Variants in SMARCD3 observed in about 807,000 individuals in gnomAD.
SMARCD3 encodes the protein SWI/SNF-related matrix-associated actin-dependent regulator of chromatin subfamily D member 3.
Under a neutral mutation model 58.0 loss-of-function variants are expected in SMARCD3, and 14 were observed. The ratio of observed to expected loss-of-function variants is 0.24; its 90% CI spans 0.16 to 0.38. The LOEUF is 0.38. Among genes scored for constraint, SMARCD3 ranks in the 10% least tolerant of loss-of-function variants. SMARCD3 has a pLI of 1.00. For synonymous variants in SMARCD3, 253 were observed against 253.8 expected, an observed-to-expected ratio of 1.00 and a Z score of 0.03; for missense variants, 408 against 636.9, an observed-to-expected ratio of 0.64 and a Z score of 3.87.
chr7:151,248,574 C>T lies in SMARCD3; in HGVS notation c.-12G>A, dbSNP rs765072912. The T allele has an allele frequency of 6.2e-7, 1 of 1,613,784 alleles. No homozygotes were observed. The highest frequency in any genetic ancestry group is 1.1e-5 in the South Asian group (1 of 91,074). Reference sequence around the variant, plus strand: ...TCGTCCGCGGCCATCGGGGTGGGCTCAGCGGCTCCTCTCACTCTCTCTCTC... The same window carrying T: ...TCGTCCGCGGCCATCGGGGTGGGCTTAGCGGCTCCTCTCACTCTCTCTCTC... On this transcript the variant is annotated 5_prime_UTR_variant, in exon 1 of 13. Transcript: ENST00000262188. The surrounding 1 kb of genome is among the most constrained non-coding windows in gnomAD (Gnocchi z 6.1).
rs1458469756 is a variant in SMARCD3 at position 151,246,366 on chromosome 7, C to CA, written c.79-696dup. 6.6e-6 allele frequency among the ~76,000 whole-genome samples: 1 copy of CA among 152,198 alleles called. No homozygotes were observed. The highest frequency in any genetic ancestry group is 1.5e-5 in the Non-Finnish European group (1 of 68,042). ...TCGGCTGACTCCAAGTCCCCACATC[C>CA]AGGGTCTTCGCTGACCAAGCTGCCC... On this transcript the variant is annotated intron_variant, in intron 1 of 12. Coordinates refer to ENST00000262188, the MANE Select transcript of SMARCD3 (RefSeq NM_001003801.2). This position sits in a 1 kb window ranked among gnomAD's most constrained non-coding sequence, Gnocchi z 4.4.
chr7:151,240,192 C>T lies in SMARCD3; in HGVS notation c.1093G>A (p.Glu365Lys). ...CTCATCTGCCCCTTTAATGGCTCCT[C>T]CACCTCCACGTCAATGTCATAGCAC... ...TACYDIDVEVEEPLKGQMSSF... is the reference protein window; with the variant it reads ...TACYDIDVEVKEPLKGQMSSF... Residue 365 changes from glutamate (E) to lysine (K), a missense_variant, in exon 10 of 13, where the codon GAG becomes AAG. Glu to Lys is a moderately conservative substitution (Grantham distance 56). Transcript: ENST00000262188. 1 of 1,614,150 alleles carries T rather than the reference C, an allele frequency of 6.2e-7. No homozygotes were observed. The highest frequency in any genetic ancestry group is 8.5e-7 in the Non-Finnish European group (1 of 1,180,010).
chr7:151,241,301 A>G lies in SMARCD3; in HGVS notation c.939+191T>C. The stretch of plus-strand genomic sequence containing the variant: ...GGGGCTAACATGGATTGGCTGCAGC[A>G]CAGAGCTAATCCACAGTAGGGCCTG... On this transcript the variant is annotated intron_variant, in intron 8 of 12. Transcript: ENST00000262188. The surrounding 1 kb of genome is among the most constrained non-coding windows in gnomAD (Gnocchi z 5.3). The G allele has an allele frequency of 1.5e-6, 1 of 659,682 alleles. No homozygotes were observed. Among genetic ancestry groups the G allele is most frequent in the Non-Finnish European group, 2.8e-6 (1 of 362,952 alleles). The allele number at this position is 659,682 out of a possible 1,614,324, so 40.9% of individuals were successfully genotyped here.
Position 151,246,669 on chromosome 7 carries a change from C to T in SMARCD3, c.79-998G>A, listed in dbSNP as rs986623073. Reference sequence around the variant, plus strand: ...GGGGGCTGTGGAGACTGAGAGGAGGCGGCTCCTCCTCCCTTGCCACTACCC... The same window carrying T: ...GGGGGCTGTGGAGACTGAGAGGAGGTGGCTCCTCCTCCCTTGCCACTACCC... On this transcript the variant is annotated intron_variant, in intron 1 of 12. Transcript: ENST00000262188. This position sits in a 1 kb window ranked among gnomAD's most constrained non-coding sequence, Gnocchi z 4.4. Among the ~76,000 whole-genome samples, 1 of 152,140 alleles carries T rather than the reference C, an allele frequency of 6.6e-6. No homozygotes were observed. The highest frequency in any genetic ancestry group is 6.5e-5 in the Admixed American group (1 of 15,286).
At chr7:151,259,734 C>T (rs1584889337) in intron 2 of SMARCD3, among the ~76,000 whole-genome samples, 2 of 149,706 alleles carry the variant, frequency 1.3e-5, no homozygotes, top group East Asian at 3.9e-4. Flanking sequence ...CTCAGCCTCC[C>T]AAGTAGCTGG....
chr7:151,268,208 C>A (rs1795056874), intron 2 of SMARCD3, among the ~76,000 whole-genome samples: 1 of 152,148 alleles, frequency 6.6e-6, no homozygotes, highest in South Asian at 2.1e-4. Context: ...AATTAGGCAC[C>A]AACCTTAAAG....
At chr7:151,256,647 A>G (rs1449998457) in intron 2 of SMARCD3, among the ~76,000 whole-genome samples, 2 of 152,144 alleles carry the variant, frequency 1.3e-5, no homozygotes, top group East Asian at 1.9e-4. Flanking sequence ...CTCTTCTCAC[A>G]GCACAGTCAC....
At position 151,241,848 on chromosome 7, in the gene SMARCD3, G is replaced by A. The variant is rs376910283; in HGVS notation, c.777+29C>T. The stretch of plus-strand genomic sequence containing the variant: ...CCCTGCCCTGAGGGCCTTGTGTGGC[G>A]TGTACGGGGCAGCATGGCAGGTGCA... On this transcript the variant is annotated intron_variant, in intron 7 of 12. Transcript: ENST00000262188. This position sits in a 1 kb window ranked among gnomAD's most constrained non-coding sequence, Gnocchi z 5.3. The A allele has an allele frequency of 2.9e-5, 45 of 1,572,928 alleles. 2 individuals carry two copies. The highest frequency in any genetic ancestry group is 1.9e-4 in the African/African-American group (14 of 74,292).
chr7:151,245,650 C>T lies in SMARCD3; in HGVS notation c.100G>A (p.Ala34Thr), dbSNP rs1450529066. ...GGCGCCCCCTGGTGGGGCATCCGGG[C>T]TCCAGACGGCATCCCGGGGCGCTGG... ...HGVRPGMPSGARMPHQGAPMG... is the reference protein window; with the variant it reads ...HGVRPGMPSGTRMPHQGAPMG... The change falls in exon 2 of 13, where the codon GCC becomes ACC. Residue 34 changes from alanine to threonine, a missense_variant. Coordinates refer to ENST00000262188, the MANE Select transcript of SMARCD3 (RefSeq NM_001003801.2). This position sits in a 1 kb window ranked among gnomAD's most constrained non-coding sequence, Gnocchi z 6.2. 8.7e-7 allele frequency: 1 copy of T among 1,149,734 alleles called. No individual in the cohort carries two copies. The highest frequency in any genetic ancestry group is 1.1e-6 in the Non-Finnish European group (1 of 913,722). 71.2% of individuals were successfully genotyped at this position (1,149,734 alleles called of 1,614,324 possible). A position where few individuals can be genotyped will look rare whatever the true frequency, so the allele number is the denominator to read the frequency against.
chr7:151,245,354 C>A lies in SMARCD3; in HGVS notation c.290+106G>T. 2.3e-6 allele frequency: 1 copy of A among 437,840 alleles called. No individual in the cohort carries two copies. The allele number at this position is 437,840 out of a possible 1,614,324, so 27.1% of individuals were successfully genotyped here. A position where few individuals can be genotyped will look rare whatever the true frequency, so the allele number is the denominator to read the frequency against. ...CCGGGAAGCCTCGCTCCCTGCTAAT[C>A]ATTCTTCCTCGCCCCTTCCAATCCC... On this transcript the variant is annotated intron_variant, in intron 2 of 12. Transcript: ENST00000262188. This position sits in a 1 kb window ranked among gnomAD's most constrained non-coding sequence, Gnocchi z 6.2.
At chr7:151,240,577 G>T in intron 8 of SMARCD3, 55 bp from the exon 9 acceptor site, 1 of 1,288,094 alleles carries the variant, frequency 7.8e-7, no homozygotes, top group Non-Finnish European at 1.1e-6. Flanking sequence ...AGATCATCAT[G>T]CAGTTGTAGA....
At chr7:151,275,901 G>A (rs2792438) in intron 1 of SMARCD3, among the ~76,000 whole-genome samples, 7 of 152,118 alleles carry the variant, frequency 4.6e-5, no homozygotes, top group Admixed American at 1.3e-4. Context: ...CTGTAGGAGC[G>A]GGGTGTGGGT....
At chr7:151,275,368 A>G (rs1485778339) in intron 1 of SMARCD3, 3 of 579,436 alleles carry the variant, frequency 5.2e-6, no homozygotes, top group Admixed American at 5.9e-5. Flanking sequence ...ACTGTGCAGA[A>G]AAAAGGGCCT....
At chr7:151,273,288 C>A (rs1318029989) in intron 2 of SMARCD3, among the ~76,000 whole-genome samples, 1 of 152,248 alleles carries the variant, frequency 6.6e-6, no homozygotes, top group African/African-American at 2.4e-5. Context: ...CAGGCCTCCT[C>A]TGCCCTCCTT....
intron 2 of SMARCD3, among the ~76,000 whole-genome samples, chr7:151,259,024 C>T (rs1803808173): frequency 6.6e-6 from 1 of 152,146 alleles, no homozygotes; most frequent in African/African-American, 2.4e-5. Flanking sequence ...TACTCCCTTA[C>T]ATTGATGCCT....
intron 2 of SMARCD3, chr7:151,275,011 C>T (rs1043112139): frequency 9.7e-6 from 9 of 927,398 alleles, no homozygotes; most frequent in Non-Finnish European, 1.5e-5. Context: ...GGCAGAAATG[C>T]CGGGAGGGGG....
At chr7:151,259,346 T>G (rs1408373868) in intron 2 of SMARCD3, among the ~76,000 whole-genome samples, 2 of 131,542 alleles carry the variant, frequency 1.5e-5, no homozygotes, top group African/African-American at 6.0e-5. Flanking sequence ...AGAGAGACTC[T>G]GTCTCAAAAA....
upstream of SMARCD3, among the ~76,000 whole-genome samples, chr7:151,250,223 CAGGG>C (rs1803469484): frequency 6.6e-6 from 1 of 152,078 alleles, no homozygotes; most frequent in Admixed American, 6.5e-5. Context: ...TCTGAAATGT[CAGGG>C]AGGACATCTG....
In SMARCD3 at chr7:151,241,164, C is replaced by A; in HGVS notation, c.939+328G>T. 1 of 386,754 alleles carries A rather than the reference C, an allele frequency of 2.6e-6. No homozygotes were observed. 24.0% of individuals were successfully genotyped at this position (386,754 alleles called of 1,614,324 possible). ...GGTTCAGAATCGCTGAGTCACTTAC[C>A]CAGAGTCCAGACTCAGGACTAGAAC... On this transcript the variant is annotated intron_variant, in intron 8 of 12. Transcript: ENST00000262188. This position sits in a 1 kb window ranked among gnomAD's most constrained non-coding sequence, Gnocchi z 5.3.
Sources: allele counts gnomAD v4.1 joint callset (sites outside exome capture counted in the v4.1 genomes callset), GRCh38; gene constraint gnomAD v4.1.1; non-coding constraint Gnocchi (gnomAD v3.1); transcripts MANE v1.5; gene names NCBI Gene and HGNC (gene_info 2026-07-23, HGNC 2026-07-21).